SERGEF: variants seen among roughly 807,000 people sequenced by gnomAD.
SERGEF encodes secretion-regulating guanine nucleotide exchange factor.
Under a neutral mutation model 50.0 loss-of-function variants are expected in SERGEF, and 51 were observed. The ratio of observed to expected loss-of-function variants is 1.02; its 90% CI spans 0.81 to 1.29. The LOEUF is 1.29. Among genes scored for constraint, SERGEF ranks in the 50% most tolerant of loss-of-function variants. The pLI, the probability that SERGEF is intolerant of heterozygous loss-of-function variation, is 0.00. For synonymous variants in SERGEF, 205 were observed against 212.4 expected, an observed-to-expected ratio of 0.97 and a Z score of 0.30; for missense variants, 521 against 557.0, an observed-to-expected ratio of 0.94 and a Z score of 0.65.
chr11:17,964,264 T>C (rs748136923), intron 8 of SERGEF, among the ~76,000 whole-genome samples: 4 of 151,594 alleles, frequency 2.6e-5, no homozygotes, highest in Non-Finnish European at 5.9e-5. Flanking sequence ...GACTACTAGA[T>C]GCAAACCACA....
At chr11:17,800,461 T>C (rs1565170731) in intron 10 of SERGEF, among the ~76,000 whole-genome samples, 1 of 152,202 alleles carries the variant, frequency 6.6e-6, no homozygotes, top group Non-Finnish European at 1.5e-5. Flanking sequence ...TTATTTATCT[T>C]TTCATCTGCC....
At position 18,009,419 on chromosome 11, in the gene SERGEF, G is replaced by A. The variant is rs1312587195; in HGVS notation, c.61-1343C>T. 3.9e-5 allele frequency among the ~76,000 whole-genome samples: 6 copies of A among 152,238 alleles called. No homozygotes were observed. The East Asian group carries it at 1.2e-3, about 29-fold the overall frequency. Reference sequence around the variant, plus strand: ...TTCTGATAAAAGCTAACTACCTAGGGAAGCTAAGGAAAGAAAAAAATGAGA... The same window carrying A: ...TTCTGATAAAAGCTAACTACCTAGGAAAGCTAAGGAAAGAAAAAAATGAGA... On this transcript the variant is annotated intron_variant, in intron 1 of 10. Transcript: ENST00000265965.
At chr11:17,986,471 TGAAAG>T (rs1197987895) in intron 8 of SERGEF, among the ~76,000 whole-genome samples, 1 of 152,146 alleles carries the variant, frequency 6.6e-6, no homozygotes, top group Non-Finnish European at 1.5e-5. Context: ...ATCATGCTCT[TGAAAG>T]GAGGCAGAAA....
rs1853918326 is a variant in SERGEF at position 17,999,674 on chromosome 11, C to T, written c.508+823G>A. 9.7e-6 allele frequency: 4 copies of T among 413,240 alleles called. No individual in the cohort carries two copies. In the Middle Eastern group the frequency reaches 1.5e-3, roughly 156 times the overall value. The allele number at this position is 413,240 out of a possible 1,614,324, so 25.6% of individuals were successfully genotyped here. A position where few individuals can be genotyped will look rare whatever the true frequency, so the allele number is the denominator to read the frequency against. ...CCTCCCTGTCCCCCTCACACACAGACTGTCAGTCCCATCACCCACTCACAG... is the reference window on the plus strand; with the variant it reads ...CCTCCCTGTCCCCCTCACACACAGATTGTCAGTCCCATCACCCACTCACAG... On this transcript the variant is annotated intron_variant, in intron 5 of 10. Coordinates refer to ENST00000265965, the MANE Select transcript of SERGEF (RefSeq NM_012139.4).
At chr11:17,860,158 C>T (rs891551541) in intron 10 of SERGEF, among the ~76,000 whole-genome samples, 4 of 151,866 alleles carry the variant, frequency 2.6e-5, no homozygotes, top group Admixed American at 2.0e-4. Flanking sequence ...TGTTGCAAAG[C>T]GTGTAAGAGG....
chr11:17,965,516 C>G (rs1040341133), intron 8 of SERGEF, among the ~76,000 whole-genome samples: 22 of 152,176 alleles, frequency 1.4e-4, no homozygotes, highest in African/African-American at 5.3e-4. Flanking sequence ...CTACTCAACT[C>G]AGATCAGGTT....
chr11:17,961,570 T>C (rs181549657), intron 8 of SERGEF, among the ~76,000 whole-genome samples: 317 of 152,340 alleles, frequency 2.1e-3, no homozygotes, highest in Non-Finnish European at 3.1e-3. Flanking sequence ...TTATTGATTA[T>C]TGAAGTCAAA....
At chr11:17,826,962 T>C (rs1565178273) in intron 10 of SERGEF, among the ~76,000 whole-genome samples, 1 of 27,426 alleles carries the variant, frequency 3.6e-5, no homozygotes, top group East Asian at 1.1e-3. Context: ...AGCTAGAAAG[T>C]GGTGAAGATG....
chr11:17,857,004 A>G (rs1274008650), intron 10 of SERGEF, among the ~76,000 whole-genome samples: 2 of 152,232 alleles, frequency 1.3e-5, no homozygotes, highest in African/African-American at 4.8e-5. Flanking sequence ...GGTTTGGTAC[A>G]AACCTATGCA....
intron 10 of SERGEF, among the ~76,000 whole-genome samples, chr11:17,794,899 C>T (rs1017765613): frequency 5.9e-5 from 9 of 152,188 alleles, no homozygotes; most frequent in Non-Finnish European, 1.0e-4. Context: ...CTCCAGCTGG[C>T]GAGAGAAAGA....
chr11:17,941,662 C>T (rs1852564878), intron 9 of SERGEF, among the ~76,000 whole-genome samples: 1 of 152,152 alleles, frequency 6.6e-6, no homozygotes, highest in African/African-American at 2.4e-5. Context: ...AGTGGAATTA[C>T]TGGATCATAT....
At chr11:17,996,930 TA>T (rs1008771910) in intron 5 of SERGEF, among the ~76,000 whole-genome samples, 2 of 152,130 alleles carry the variant, frequency 1.3e-5, no homozygotes, top group Admixed American at 6.5e-5. Context: ...ACAACTCAGT[TA>T]AAAAATGGGC....
At chr11:18,008,320 CT>C (rs1174490977) in intron 1 of SERGEF, among the ~76,000 whole-genome samples, 1 of 152,226 alleles carries the variant, frequency 6.6e-6, no homozygotes, top group Non-Finnish European at 1.5e-5. Flanking sequence ...CTCCCCACCC[CT>C]GATCTGTAAT....
chr11:17,914,155 T>C (rs1459019495), intron 9 of SERGEF, among the ~76,000 whole-genome samples: 1 of 152,252 alleles, frequency 6.6e-6, no homozygotes, highest in Admixed American at 6.5e-5. Context: ...TTCCTGCCTC[T>C]GTACTTTGTT....
intron 10 of SERGEF, among the ~76,000 whole-genome samples, chr11:17,789,414 A>G (rs961705356): frequency 6.6e-6 from 1 of 152,216 alleles, no homozygotes; most frequent in Non-Finnish European, 1.5e-5. Flanking sequence ...ACAGGTGTTT[A>G]CTGAATAGAT....
chr11:17,838,627 AG>A (rs1377727731), intron 10 of SERGEF, among the ~76,000 whole-genome samples: 1 of 152,164 alleles, frequency 6.6e-6, no homozygotes, highest in African/African-American at 2.4e-5. Context: ...GGGCTCAGAC[AG>A]GGAAAGCTAC....
chr11:17,999,071 T>C (rs1036191654), intron 5 of SERGEF, among the ~76,000 whole-genome samples: 4 of 152,328 alleles, frequency 2.6e-5, no homozygotes, highest in Middle Eastern at 3.4e-3. Flanking sequence ...CGGAATTATG[T>C]TGAATGAAAA....
chr11:17,809,004 C>T (rs141761573), intron 10 of SERGEF, among the ~76,000 whole-genome samples: 4 of 152,210 alleles, frequency 2.6e-5, no homozygotes, highest in African/African-American at 4.8e-5. Context: ...GGGCTAAACC[C>T]GGTCTTTCCA....
At position 17,838,304 on chromosome 11, in the gene SERGEF, G is replaced by C. The variant is rs148928594; in HGVS notation, c.1048+39904C>G. ...AGGGAAGGATGATGTTTCCTGAACTGGCATAAAACTAAACAGGCGGTATCT... is the reference window on the plus strand; with the variant it reads ...AGGGAAGGATGATGTTTCCTGAACTCGCATAAAACTAAACAGGCGGTATCT... On this transcript the variant is annotated intron_variant, in intron 10 of 10. Coordinates refer to ENST00000265965, the MANE Select transcript of SERGEF (RefSeq NM_012139.4). 4.1e-4 allele frequency among the ~76,000 whole-genome samples: 63 copies of C among 152,346 alleles called. 1 individual carries two copies. The highest frequency in any genetic ancestry group is 1.4e-3 in the African/African-American group (59 of 41,580).
Sources: allele counts gnomAD v4.1 joint callset (sites outside exome capture counted in the v4.1 genomes callset), GRCh38; gene constraint gnomAD v4.1.1; transcripts MANE v1.5; gene names NCBI Gene and HGNC (gene_info 2026-07-23, HGNC 2026-07-21).